The following EPC1 variants were observed in gnomAD, a reference collection of about 807,000 sequenced individuals.
EPC1 encodes the protein enhancer of polycomb 1, also known as enhancer of polycomb homolog 1.
In EPC1, 12 loss-of-function variants were observed where a neutral mutation model predicts 98.4. The observed-to-expected ratio is 0.12, with a 90% CI of 0.08 to 0.20. EPC1 has a LOEUF of 0.20. Among genes scored for constraint, EPC1 ranks in the 10% least tolerant of loss-of-function variants. The probability of loss-of-function intolerance (pLI) is 1.00; values close to 1 mark genes in which losing one functional copy is unlikely to be tolerated. For synonymous variants in EPC1, 357 were observed against 363.9 expected, an observed-to-expected ratio of 0.98 and a Z score of 0.21; for missense variants, 729 against 990.5, an observed-to-expected ratio of 0.74 and a Z score of 3.54.
chr10:32,368,745 C>T (rs995428023), intron 1 of EPC1, among the ~76,000 whole-genome samples: 15 of 152,038 alleles, frequency 9.9e-5, no homozygotes, highest in African/African-American at 3.4e-4. Context: ...CTTTTAAATT[C>T]GCGTCGCACT....
intron 2 of EPC1, among the ~76,000 whole-genome samples, chr10:32,297,272 G>A (rs1280836295): frequency 7.0e-6 from 1 of 143,106 alleles, no homozygotes; most frequent in East Asian, 2.1e-4. Context: ...GACCTAGCAG[G>A]TTAATAATTC....
chr10:32,318,555 T>C (rs945137456), intron 1 of EPC1, among the ~76,000 whole-genome samples: 1 of 152,182 alleles, frequency 6.6e-6, no homozygotes, highest in Admixed American at 6.5e-5. Context: ...GACCTTACTA[T>C]ATGTTCCACA....
intron 1 of EPC1, among the ~76,000 whole-genome samples, chr10:32,307,872 C>T (rs1473158155): frequency 1.3e-5 from 2 of 152,186 alleles, no homozygotes; most frequent in African/African-American, 4.8e-5. Context: ...TCATAGTTTG[C>T]TTTTTGTTCC....
chr10:32,300,496 C>T (rs1479463744), intron 2 of EPC1, among the ~76,000 whole-genome samples: 3 of 150,652 alleles, frequency 2.0e-5, no homozygotes, highest in Admixed American at 6.6e-5. Flanking sequence ...TGTAGTGGCG[C>T]GATCTCGGCT....
At chr10:32,377,091 A>G (rs1839886462) in intron 1 of EPC1, 1 of 152,206 alleles carries the variant, frequency 6.6e-6, no homozygotes, top group Non-Finnish European at 1.5e-5. Context: ...ATAATCCTGC[A>G]TTTAGATATG....
At chr10:32,338,772 A>G (rs1459455663) in intron 1 of EPC1, among the ~76,000 whole-genome samples, 1 of 151,998 alleles carries the variant, frequency 6.6e-6, no homozygotes, top group Non-Finnish European at 1.5e-5. Context: ...ATTCTGTAGT[A>G]TCTTGTTCCA....
At chr10:32,288,669 T>C (rs1235767358) in intron 6 of EPC1, among the ~76,000 whole-genome samples, 1 of 152,048 alleles carries the variant, frequency 6.6e-6, no homozygotes, top group African/African-American at 2.4e-5. Context: ...CTTTCAAGTA[T>C]GAGTGGCACA....
intron 9 of EPC1, 195 bp downstream of exon 9, chr10:32,286,499 T>C (rs773074217): frequency 1.6e-5 from 10 of 624,070 alleles, no homozygotes; most frequent in East Asian, 2.8e-5. Context: ...AGGGACCCAA[T>C]AGAGTTATGT....
At chr10:32,357,666 GC>G (rs564909219) in intron 1 of EPC1, among the ~76,000 whole-genome samples, 2,366 of 152,042 alleles carry the variant, frequency 0.016, 32 homozygotes, top group Non-Finnish European at 0.025. Context: ...TGCTACGTTG[GC>G]TAGGCTGATC....
chr10:32,280,516 G>A (rs1162990479), intron 10 of EPC1, among the ~76,000 whole-genome samples: 1 of 148,172 alleles, frequency 6.7e-6, no homozygotes, highest in Non-Finnish European at 1.5e-5. Flanking sequence ...CGAAACGGGT[G>A]GATCACAGGG....
rs183086424 is a variant in EPC1 at position 32,270,395 on chromosome 10, T to C, written c.2369+1159A>G. Among the ~76,000 whole-genome samples the C allele has an allele frequency of 1.9e-3, 291 of 152,346 alleles. 1 individual carries two copies. Among genetic ancestry groups the C allele is most frequent in the Non-Finnish European group, 5.3e-4 (36 of 68,028 alleles). The stretch of plus-strand genomic sequence containing the variant: ...GTAGACAGCAGGATTTTAACTACCC[T>C]TAATTCTACAACATAATAGAGCATA... On this transcript the variant is annotated intron_variant, in intron 13 of 13. Coordinates refer to ENST00000319778, the MANE Select transcript of EPC1 (RefSeq NM_001272004.3).
intron 2 of EPC1, among the ~76,000 whole-genome samples, chr10:32,300,487 G>C (rs1424283762): frequency 6.7e-6 from 1 of 149,638 alleles, no homozygotes; most frequent in Non-Finnish European, 1.5e-5. Context: ...AGGCTAGAGT[G>C]TAGTGGCGCG....
intron 6 of EPC1, among the ~76,000 whole-genome samples, chr10:32,288,676 C>T (rs1423889203): frequency 6.6e-6 from 1 of 151,864 alleles, no homozygotes; most frequent in Non-Finnish European, 1.5e-5. Context: ...GTATGAGTGG[C>T]ACATATAGAG....
intron 1 of EPC1, among the ~76,000 whole-genome samples, chr10:32,308,421 T>C (rs1263681776): frequency 1.3e-5 from 2 of 152,060 alleles, no homozygotes; most frequent in African/African-American, 2.4e-5. Flanking sequence ...CTGAGACTAT[T>C]AGTTGGTCAG....
intron 1 of EPC1, among the ~76,000 whole-genome samples, chr10:32,353,213 T>G (rs1839175917): frequency 6.7e-6 from 1 of 149,654 alleles, no homozygotes; most frequent in Non-Finnish European, 1.5e-5. Flanking sequence ...CAGAGTGCAG[T>G]CCCAGATTGA....
chr10:32,346,192 G>T (rs1838786696), intron 1 of EPC1, among the ~76,000 whole-genome samples: 1 of 152,240 alleles, frequency 6.6e-6, no homozygotes, highest in Non-Finnish European at 1.5e-5. Flanking sequence ...CAGGCGACAT[G>T]ACATGCCCGT....
At chr10:32,343,177 T>G (rs1046728312) in intron 1 of EPC1, among the ~76,000 whole-genome samples, 1 of 152,168 alleles carries the variant, frequency 6.6e-6, no homozygotes. Context: ...CTTCATTAAA[T>G]ACATTGTTTT....
At chr10:32,293,252 T>G in intron 3 of EPC1, 58 bp from the exon 4 acceptor site, 1 of 1,290,986 alleles carries the variant, frequency 7.7e-7, no homozygotes, top group South Asian at 1.4e-5. Context: ...TTCATAAGTA[T>G]TTACTTCTAA....
chr10:32,308,671 C>T (rs1836016182), intron 1 of EPC1, among the ~76,000 whole-genome samples: 1 of 152,164 alleles, frequency 6.6e-6, no homozygotes, highest in Non-Finnish European at 1.5e-5. Flanking sequence ...AATCCTCACA[C>T]ACTGTTGGTG....
Sources: allele counts gnomAD v4.1 joint callset (sites outside exome capture counted in the v4.1 genomes callset), GRCh38; gene constraint gnomAD v4.1.1; transcripts MANE v1.5; gene names NCBI Gene and HGNC (gene_info 2026-07-23, HGNC 2026-07-21).